The following SYBU variants were observed in gnomAD, a reference collection of about 807,000 sequenced individuals.
SYBU encodes GOLSYN A protein.
A neutral mutation model predicts 35.9 loss-of-function variants in SYBU; 21 were observed. The ratio of observed to expected loss-of-function variants is 0.58; its 90% CI spans 0.41 to 0.84. SYBU has a LOEUF of 0.84. Ranked by LOEUF, SYBU falls within the 40% of genes least tolerant of loss-of-function variation. The pLI, the probability that SYBU is intolerant of heterozygous loss-of-function variation, is 0.00. For synonymous variants in SYBU, 319 were observed against 324.3 expected, an observed-to-expected ratio of 0.98 and a Z score of 0.18; for missense variants, 768 against 848.2, an observed-to-expected ratio of 0.91 and a Z score of 1.17.
intron 1 of SYBU, among the ~76,000 whole-genome samples, chr8:109,674,384 CA>C (rs1453678968): frequency 4.0e-4 from 61 of 152,274 alleles, no homozygotes; most frequent in African/African-American, 1.4e-3. Flanking sequence ...CAATATTCAA[CA>C]TTCTTAAAGA....
At chr8:109,657,908 G>A (rs1816414788) in intron 1 of SYBU, among the ~76,000 whole-genome samples, 1 of 152,178 alleles carries the variant, frequency 6.6e-6, no homozygotes, top group Non-Finnish European at 1.5e-5. Context: ...TCTTTATGGA[G>A]ATGCTCAAAG....
intron 2 of SYBU, among the ~76,000 whole-genome samples, chr8:109,641,037 TG>T (rs1814815906): frequency 6.6e-6 from 1 of 152,212 alleles, no homozygotes; most frequent in African/African-American, 2.4e-5. Flanking sequence ...TTCTCATACA[TG>T]TGTTAATCTT....
At chr8:109,635,924 G>A (rs1814173850) in intron 2 of SYBU, among the ~76,000 whole-genome samples, 1 of 152,180 alleles carries the variant, frequency 6.6e-6, no homozygotes, top group African/African-American at 2.4e-5. Context: ...ATTCACCTAT[G>A]TACACATGCT....
intron 3 of SYBU, among the ~76,000 whole-genome samples, chr8:109,596,607 G>A (rs918073358): frequency 1.3e-5 from 2 of 152,132 alleles, no homozygotes; most frequent in Admixed American, 6.5e-5. Context: ...TTATCATGAT[G>A]TATATACAAT....
chr8:109,638,957 G>A (rs1814547001), intron 2 of SYBU, among the ~76,000 whole-genome samples: 1 of 152,186 alleles, frequency 6.6e-6, no homozygotes, highest in South Asian at 2.1e-4. Flanking sequence ...CCTCTGAAAT[G>A]AGGCAGAGAC....
intron 1 of SYBU, among the ~76,000 whole-genome samples, chr8:109,678,908 G>A (rs1817301099): frequency 6.6e-6 from 1 of 152,092 alleles, no homozygotes; most frequent in African/African-American, 2.4e-5. Context: ...TTTTGAACAG[G>A]GGCTGCGTAA....
In SYBU at chr8:109,623,037, A is replaced by G. The variant is rs1586861843; in HGVS notation, c.230-3998T>C. ...CACAGGAGCGTGCGCGCGCGCACAC[A>G]CACACACACACAAACGCACACCCCT... On this transcript the variant is annotated intron_variant, in intron 2 of 6. Coordinates refer to ENST00000276646, the MANE Select transcript of SYBU (RefSeq NM_001099754.2). 3.5e-5 allele frequency among the ~76,000 whole-genome samples: 3 copies of G among 85,014 alleles called. No individual in the cohort carries two copies. In the South Asian group the frequency reaches 1.7e-3, roughly 47 times the overall value. The allele number at this position is 85,014 out of a possible 152,430, so 55.8% of individuals were successfully genotyped here.
At chr8:109,576,099 C>A in intron 6 of SYBU, 86 bp from the exon 7 acceptor site, 2 of 1,415,230 alleles carry the variant, frequency 1.4e-6, no homozygotes, top group East Asian at 5.0e-5. Flanking sequence ...GCAGTTCAGG[C>A]AGTTCTGGCA....
At chr8:109,624,033 T>C (rs1188269237) in intron 2 of SYBU, among the ~76,000 whole-genome samples, 1 of 152,202 alleles carries the variant, frequency 6.6e-6, no homozygotes, top group African/African-American at 2.4e-5. Flanking sequence ...TGGAACTTGC[T>C]AGGCTAGAAA....
intron 3 of SYBU, among the ~76,000 whole-genome samples, chr8:109,589,498 A>G (rs536166138): frequency 1.2e-4 from 19 of 152,338 alleles, no homozygotes; most frequent in African/African-American, 4.6e-4. Flanking sequence ...TAATGCTCTG[A>G]TGCCAAACGC....
intron 3 of SYBU, among the ~76,000 whole-genome samples, chr8:109,605,958 G>C (rs1826025802): frequency 1.3e-5 from 2 of 152,096 alleles, no homozygotes; most frequent in Admixed American, 6.5e-5. Flanking sequence ...CTTATGCTAT[G>C]GCTCAGACTG....
chr8:109,578,447 C>T (rs1822615641), intron 5 of SYBU, among the ~76,000 whole-genome samples: 1 of 152,194 alleles, frequency 6.6e-6, no homozygotes, highest in Admixed American at 6.5e-5. Context: ...TTGACCCAGA[C>T]ACAGCTAACA....
chr8:109,611,863 C>T (rs1430478588), intron 3 of SYBU, among the ~76,000 whole-genome samples: 1 of 152,106 alleles, frequency 6.6e-6, no homozygotes, highest in African/African-American at 2.4e-5. Flanking sequence ...CATTGAGGCT[C>T]ACTGATTTTG....
At chr8:109,638,877 G>A (rs896762197) in intron 2 of SYBU, among the ~76,000 whole-genome samples, 3 of 151,710 alleles carry the variant, frequency 2.0e-5, no homozygotes, top group African/African-American at 4.9e-5. Flanking sequence ...AAGAAGAAGC[G>A]ATTAAAAAAA....
At chr8:109,689,959 C>T (rs963746633) in intron 1 of SYBU, among the ~76,000 whole-genome samples, 1 of 151,712 alleles carries the variant, frequency 6.6e-6, no homozygotes, top group East Asian at 1.9e-4. Flanking sequence ...AAGTTTTGGA[C>T]CCATTTTTTG....
At chr8:109,628,572 G>A (rs111591604) in intron 2 of SYBU, among the ~76,000 whole-genome samples, 8,281 of 151,982 alleles carry the variant, frequency 0.054, 762 homozygotes, top group African/African-American at 0.19. Flanking sequence ...CCAACTCCTG[G>A]GCTCAAGTGA....
intron 3 of SYBU, among the ~76,000 whole-genome samples, chr8:109,587,098 A>G (rs1823706570): frequency 6.6e-6 from 1 of 152,196 alleles, no homozygotes; most frequent in African/African-American, 2.4e-5. Flanking sequence ...CTTCTGAAAA[A>G]TAAGTCTAGG....
At chr8:109,583,769 A>G (rs1267489931) in intron 4 of SYBU, among the ~76,000 whole-genome samples, 1 of 152,098 alleles carries the variant, frequency 6.6e-6, no homozygotes, top group Non-Finnish European at 1.5e-5. Flanking sequence ...CATGACCAAA[A>G]TCTACTGATG....
intron 5 of SYBU, 71 bp from the exon 6 acceptor site, chr8:109,578,088 A>T: frequency 2.7e-6 from 4 of 1,475,902 alleles, no homozygotes; most frequent in Non-Finnish European, 3.7e-6. Flanking sequence ...AGTAACACAG[A>T]GTGTTATCAA....
Sources: gnomAD v4.1 joint callset for allele counts (sites outside exome capture counted in the v4.1 genomes callset) on GRCh38, gnomAD v4.1.1 for gene constraint, MANE v1.5 for transcripts, NCBI Gene and HGNC (gene_info 2026-07-23, HGNC 2026-07-21) for gene names.